PCSK5: variants seen among roughly 807,000 people sequenced by gnomAD.
PCSK5 encodes proprotein convertase subtilisin/kexin type 5, also known as prohormone convertase 5.
In PCSK5, 129 loss-of-function variants were observed where a neutral mutation model predicts 233.2. That is an observed-to-expected ratio of 0.55 (90% CI 0.48 to 0.64). The LOEUF is 0.64. Ranked by LOEUF, PCSK5 falls within the 30% of genes least tolerant of loss-of-function variation. The probability of loss-of-function intolerance (pLI) is 0.00; values close to 1 mark genes in which losing one functional copy is unlikely to be tolerated. For synonymous variants in PCSK5, 825 were observed against 879.2 expected (o/e 0.94, Z 1.09); for missense variants, 2,076 against 2,430.1 (o/e 0.85, Z 3.06).
chr9:76,209,375 C>G (rs1049675934), intron 20 of PCSK5: 1 of 313,074 alleles, frequency 3.2e-6, no homozygotes, highest in Non-Finnish European at 6.4e-6. Context: ...TTAGTAGCTT[C>G]TAACCGTACT....
intron 5 of PCSK5, among the ~76,000 whole-genome samples, chr9:76,054,198 G>T (rs1829741087): frequency 6.6e-6 from 1 of 152,188 alleles, no homozygotes; most frequent in African/African-American, 2.4e-5. Context: ...GATGCATGGG[G>T]ATTATGGGAG....
intron 30 of PCSK5, among the ~76,000 whole-genome samples, chr9:76,316,301 C>T (rs1829029645): frequency 6.6e-6 from 1 of 152,084 alleles, no homozygotes; most frequent in Non-Finnish European, 1.5e-5. Context: ...TCATGAATAA[C>T]AAAGACACCC....
intron 13 of PCSK5, among the ~76,000 whole-genome samples, chr9:76,174,759 G>A (rs548860735): frequency 1.3e-5 from 2 of 152,090 alleles, no homozygotes; most frequent in Non-Finnish European, 2.9e-5. Context: ...TTAAATCAAG[G>A]CCTCTCTGGT....
chr9:76,127,414 T>C (rs1215197021), intron 9 of PCSK5, among the ~76,000 whole-genome samples: 1 of 152,126 alleles, frequency 6.6e-6, no homozygotes, highest in African/African-American at 2.4e-5. Context: ...AGAGAAGATC[T>C]CCCACATGTA....
intron 5 of PCSK5, among the ~76,000 whole-genome samples, chr9:76,046,727 A>G (rs1339379015): frequency 2.0e-5 from 3 of 150,536 alleles, no homozygotes; most frequent in Admixed American, 1.3e-4. Flanking sequence ...CTCCCGGCCA[A>G]TTTTTTGTAT....
Position 76,081,056 on chromosome 9 carries a change from C to G in PCSK5, c.894+9158C>G, listed in dbSNP as rs1830815343. ...TTTCTAAAGTATATGGCATAAACCA[C>G]TAATTTAATAAAATGATAGGCAAAA... On this transcript the variant is annotated intron_variant, in intron 7 of 37. Transcript: ENST00000674117. 4.6e-5 allele frequency among the ~76,000 whole-genome samples: 7 copies of G among 152,142 alleles called. No homozygotes were observed. In the South Asian group the frequency reaches 1.5e-3, roughly 32 times the overall value.
At chr9:76,110,011 C>T (rs1218564923) in intron 9 of PCSK5, among the ~76,000 whole-genome samples, 8 of 152,136 alleles carry the variant, frequency 5.3e-5, no homozygotes, top group Admixed American at 5.2e-4. Flanking sequence ...TGTATATGTG[C>T]CTCACTCATT....
intron 1 of PCSK5, among the ~76,000 whole-genome samples, chr9:75,931,883 AAC>A (rs1336422224): frequency 3.6e-5 from 5 of 138,164 alleles, no homozygotes; most frequent in Non-Finnish European, 8.0e-5. Context: ...AGAAGTCACA[AAC>A]AAACGAAGTC....
chr9:76,309,448 C>A (rs1427329396), intron 29 of PCSK5, among the ~76,000 whole-genome samples: 1 of 152,134 alleles, frequency 6.6e-6, no homozygotes, highest in Non-Finnish European at 1.5e-5. Context: ...AATCCCAACA[C>A]TTTGGGAGGC....
chr9:76,233,585 C>T lies in PCSK5; in HGVS notation c.2855C>T (p.Ser952Phe). 6.2e-7 allele frequency: 1 copy of T among 1,610,268 alleles called. No homozygotes were observed. Among genetic ancestry groups the T allele is most frequent in the South Asian group, 1.1e-5 (1 of 91,064 alleles). Reference sequence around the variant, plus strand: ...GGAAGTGGCCCTACCCACTGCACCTCCTGTGGAGCAGGTGAGAGACTGCTG... The same window carrying T: ...GGAAGTGGCCCTACCCACTGCACCTTCTGTGGAGCAGGTGAGAGACTGCTG... ...CQGSGPTHCT[S>F]CGADNYGREH... Residue 952 changes from serine to phenylalanine, a missense_variant, in exon 22 of 38, where the codon TCC becomes TTC. By Grantham distance (155) the Ser-to-Phe change is radical. Around this residue, in one of 6 missense-constraint regions of PCSK5, gnomAD observed 1,510 missense variants for 1,538.1 expected, o/e 0.98. Coordinates refer to ENST00000674117, the MANE Select transcript of PCSK5 (RefSeq NM_001372043.1).
chr9:76,083,804 C>T (rs1830951497), intron 7 of PCSK5, among the ~76,000 whole-genome samples: 1 of 152,216 alleles, frequency 6.6e-6, no homozygotes, highest in African/African-American at 2.4e-5. Context: ...GACATACATT[C>T]ACCACGAGGG....
At chr9:76,046,388 G>A (rs1164120181) in intron 5 of PCSK5, among the ~76,000 whole-genome samples, 1 of 150,792 alleles carries the variant, frequency 6.6e-6, no homozygotes, top group Non-Finnish European at 1.5e-5. Flanking sequence ...ATGTTGGTCA[G>A]GTTTGTCTCG....
chr9:75,893,307 T>A (rs1825686410), intron 1 of PCSK5, among the ~76,000 whole-genome samples: 1 of 152,102 alleles, frequency 6.6e-6, no homozygotes, highest in African/African-American at 2.4e-5. Flanking sequence ...GGCAAAGCAG[T>A]GATTCAGACC....
intron 20 of PCSK5, among the ~76,000 whole-genome samples, chr9:76,206,707 T>TA: frequency 6.6e-6 from 1 of 152,310 alleles, no homozygotes; most frequent in Middle Eastern, 3.4e-3. Flanking sequence ...GACTAAGAGA[T>TA]AAAGTAATTC....
Position 76,338,325 on chromosome 9 carries a change from A to G in PCSK5, c.4844A>G (p.Asp1615Gly). The G allele has an allele frequency of 6.2e-7, 1 of 1,612,604 alleles. No homozygotes were observed. The highest frequency in any genetic ancestry group is 8.5e-7 in the Non-Finnish European group (1 of 1,179,716). ...GPRPTDCLSC[D>G]RFFFLLRSKG... ...CGGCCCACAGACTGCCTGTCTTGCG[A>G]TAGATTTTTCTTTCTGCTCCGCTCC... Residue 1615 changes from aspartate to glycine, a missense_variant, in exon 35 of 38, where the codon GAT (aspartate) becomes GGT (glycine). By Grantham distance (94) the Asp-to-Gly change is moderately conservative (BLOSUM62 -1). Transcript: ENST00000674117.
Position 76,303,958 on chromosome 9 carries a change from G to A in PCSK5, c.3604+1741G>A, listed in dbSNP as rs866408865. Among the ~76,000 whole-genome samples, 3 of 152,134 alleles carry A rather than the reference G, an allele frequency of 2.0e-5. No homozygotes were observed. In the South Asian group the frequency reaches 6.2e-4, roughly 32 times the overall value. On this transcript the variant is annotated intron_variant, in intron 28 of 37. Coordinates refer to ENST00000674117, the MANE Select transcript of PCSK5 (RefSeq NM_001372043.1). ...AGACCAAGGCGGGTGGACCACCTGA[G>A]GTCAGGAGTTCAAGACCAGCCCGGG... is the stretch of plus-strand genomic sequence containing the variant.
At chr9:76,107,657 G>A (rs1341853165) in intron 9 of PCSK5, among the ~76,000 whole-genome samples, 2 of 152,174 alleles carry the variant, frequency 1.3e-5, no homozygotes. Context: ...TCTAGTCTGG[G>A]AATGTTCCTG....
chr9:76,069,754 T>C (rs1830416436), intron 6 of PCSK5, among the ~76,000 whole-genome samples: 1 of 152,210 alleles, frequency 6.6e-6, no homozygotes, highest in African/African-American at 2.4e-5. Context: ...CTAGTGAGCT[T>C]ATTTGGGGCA....
intron 24 of PCSK5, among the ~76,000 whole-genome samples, chr9:76,288,318 G>A (rs952951343): frequency 2.6e-5 from 4 of 152,138 alleles, no homozygotes; most frequent in Non-Finnish European, 5.9e-5. Flanking sequence ...CAGGGCTTTG[G>A]TAGCCTGAGG....
Sources: gnomAD v4.1 joint callset for allele counts (sites outside exome capture counted in the v4.1 genomes callset) on GRCh38, gnomAD v4.1.1 for gene constraint, gnomAD v4.1.1 regional missense constraint, MANE v1.5 for transcripts, NCBI Gene and HGNC (gene_info 2026-07-23, HGNC 2026-07-21) for gene names.